The following BCO1 variants were observed in gnomAD, a reference collection of about 807,000 sequenced individuals.
BCO1 encodes beta-carotene oxygenase 1, also known as beta,beta-carotene 15,15'-dioxygenase.
Under a neutral mutation model 56.3 loss-of-function variants are expected in BCO1, and 54 were observed. That is an observed-to-expected ratio of 0.96 (90% CI 0.77 to 1.20). BCO1 has a LOEUF of 1.20. Among genes scored for constraint, BCO1 ranks in the 50% most tolerant of loss-of-function variants. The pLI, the probability that BCO1 is intolerant of heterozygous loss-of-function variation, is 0.00. For missense variants in BCO1, 801 were observed against 690.9 expected (o/e 1.16, Z -1.79); for synonymous variants, 318 against 266.1 (o/e 1.20, Z -1.90).
chr16:81,246,842 C>T (rs151054573), intron 2 of BCO1, among the ~76,000 whole-genome samples: 1,285 of 83,630 alleles, frequency 0.015, 21 homozygotes, highest in African/African-American at 0.052. Context: ...CAGAGCCAGA[C>T]TTTGTCTCAA....
intron 2 of BCO1, among the ~76,000 whole-genome samples, chr16:81,254,362 G>T (rs914498060): frequency 7.1e-6 from 1 of 140,882 alleles, no homozygotes; most frequent in Non-Finnish European, 1.5e-5. Flanking sequence ...TGTTGACCAG[G>T]CTGGTCTCGA....
Position 81,272,144 on chromosome 16 carries a change from C to T in BCO1, c.1101+1728C>T, listed in dbSNP as rs763195569. On this transcript the variant is annotated intron_variant, in intron 7 of 10. Transcript: ENST00000258168. ...TTTTTTTTTTTTTGAGAAGGAGTCT[C>T]GCTCTGTGGCCCAGGCTGGAGTGCA... Among the ~76,000 whole-genome samples the T allele has an allele frequency of 1.6e-4, 22 of 136,564 alleles. No individual in the cohort carries two copies. In the East Asian group the frequency reaches 2.6e-3, roughly 16 times the overall value. The allele number at this position is 136,564 out of a possible 152,430, so 89.6% of individuals were successfully genotyped here. A position where few individuals can be genotyped will look rare whatever the true frequency, so the allele number is the denominator to read the frequency against.
intron 10 of BCO1, among the ~76,000 whole-genome samples, chr16:81,288,015 A>T (rs905256888): frequency 3.9e-5 from 6 of 152,094 alleles, no homozygotes; most frequent in Admixed American, 2.0e-4. Context: ...CCCCACCATA[A>T]ATCCCACTGT....
rs535639302 is a variant in BCO1, at chr16:81,270,255, G to A, written c.940G>A (p.Glu314Lys). The A allele has an allele frequency of 1.4e-5, 23 of 1,614,146 alleles. No individual in the cohort carries two copies. The highest frequency in any genetic ancestry group is 2.7e-5 in the African/African-American group (2 of 75,014). ...MVVFHHVNAY[E>K]EDGCIVFDVI... ...GGTCTTCCATCACGTCAACGCCTAC[G>A]AAGAGGACGGCTGCATCGTGTTTGA... Residue 314 changes from glutamate (E) to lysine (K), a missense_variant, in exon 7 of 11, where the codon GAA (glutamate) becomes AAA (lysine). Coordinates refer to ENST00000258168, the MANE Select transcript of BCO1 (RefSeq NM_017429.3).
chr16:81,241,222 A>G (rs942629401), intron 1 of BCO1, among the ~76,000 whole-genome samples: 1 of 152,030 alleles, frequency 6.6e-6, no homozygotes, highest in African/African-American at 2.4e-5. Context: ...ACTGGGCATG[A>G]GAATCACTTG....
intron 2 of BCO1, among the ~76,000 whole-genome samples, chr16:81,246,018 A>T (rs1184834182): frequency 1.6e-4 from 24 of 151,836 alleles, no homozygotes; most frequent in Admixed American, 1.6e-3. Flanking sequence ...ATGTGACACC[A>T]TGCCCAGCTA....
chr16:81,267,075 C>A (rs1280757726), intron 5 of BCO1, among the ~76,000 whole-genome samples: 2 of 152,178 alleles, frequency 1.3e-5, no homozygotes, highest in Non-Finnish European at 2.9e-5. Context: ...ACGTATTGAG[C>A]ACCTTCCATG....
chr16:81,277,909 C>T (rs927275136), intron 7 of BCO1, among the ~76,000 whole-genome samples: 3 of 152,202 alleles, frequency 2.0e-5, no homozygotes, highest in African/African-American at 7.2e-5. Flanking sequence ...TCTGTGCAGA[C>T]CAACTCCCTA....
chr16:81,240,665 A>T (rs1047040917), intron 1 of BCO1, among the ~76,000 whole-genome samples: 5 of 151,924 alleles, frequency 3.3e-5, no homozygotes, highest in African/African-American at 9.7e-5. Context: ...AGATCGTGCC[A>T]CTGCACTCTG....
intron 1 of BCO1, among the ~76,000 whole-genome samples, chr16:81,240,788 CA>C (rs1905073281): frequency 6.6e-6 from 1 of 151,220 alleles, no homozygotes; most frequent in Non-Finnish European, 1.5e-5. Flanking sequence ...TTGGTTGGTG[CA>C]AAAATAATCG....
rs7188650 is a variant in BCO1 at position 81,280,776 on chromosome 16, T to C, written c.1102-81T>C. 239,838 of 1,053,460 alleles carry C rather than the reference T, an allele frequency of 0.23. 28,478 individuals are homozygous for C. The highest frequency in any genetic ancestry group is 0.35 in the Middle Eastern group (1,407 of 4,024). The allele number at this position is 1,053,460 out of a possible 1,614,324, so 65.3% of individuals were successfully genotyped here. ...CAAGATGACATGTATTCAAGCATTT[T>C]AAAAAATATATACACTAAAGCAAAT... On this transcript the variant is annotated intron_variant, in intron 7 of 10. Coordinates refer to ENST00000258168, the MANE Select transcript of BCO1 (RefSeq NM_017429.3).
intron 5 of BCO1, among the ~76,000 whole-genome samples, chr16:81,267,009 G>T (rs1261233596): frequency 6.6e-6 from 1 of 152,168 alleles, no homozygotes; most frequent in Admixed American, 6.5e-5. Flanking sequence ...GCCTGGGTGG[G>T]GAGGCCTTTT....
intron 2 of BCO1, among the ~76,000 whole-genome samples, chr16:81,246,037 A>G (rs1905394169): frequency 6.6e-6 from 1 of 150,718 alleles, no homozygotes. Flanking sequence ...TAATTTTTGT[A>G]CTTTTGGTCT....
chr16:81,245,649 C>G (rs769603868), intron 2 of BCO1, 46 bp downstream of exon 2: 3 of 1,612,756 alleles, frequency 1.9e-6, no homozygotes, highest in Non-Finnish European at 2.5e-6. Context: ...GCAAAGGACC[C>G]CAAATGCAGT....
At chr16:81,251,684 C>G (rs1242626276) in intron 2 of BCO1, among the ~76,000 whole-genome samples, 1 of 151,946 alleles carries the variant, frequency 6.6e-6, no homozygotes. Flanking sequence ...AAAATTATTT[C>G]AAAGCAAAAA....
intron 1 of BCO1, 68 bp downstream of exon 1, chr16:81,239,040 G>A: frequency 1.3e-5 from 18 of 1,337,458 alleles, no homozygotes; most frequent in South Asian, 6.6e-5. Context: ...TTTTTGAGGC[G>A]GAGTCTCGCT....
At chr16:81,268,653 A>G (rs960104172) in intron 6 of BCO1, among the ~76,000 whole-genome samples, 5 of 152,210 alleles carry the variant, frequency 3.3e-5, no homozygotes, top group African/African-American at 1.2e-4. Context: ...ATGCTTGTAT[A>G]TGCACATATG....
intron 1 of BCO1, among the ~76,000 whole-genome samples, chr16:81,243,300 C>T (rs1368766765): frequency 1.3e-5 from 2 of 152,138 alleles, no homozygotes; most frequent in African/African-American, 4.8e-5. Flanking sequence ...AAAGGTGCCC[C>T]ATTCTTCTGA....
At position 81,285,577 on chromosome 16, in the gene BCO1, A is replaced by G; in HGVS notation, c.1245A>G (p.Gly415=). Residue 415 remains glycine, a synonymous_variant, in exon 9 of 11, where the codon GGA becomes GGG. Coordinates refer to ENST00000258168, the MANE Select transcript of BCO1 (RefSeq NM_017429.3). Reference sequence around the variant, plus strand: ...CACGGGTCAATTATGCTCACAATGGAAAGCAATACCGATATGTCTTTGCTA... The same window carrying G: ...CACGGGTCAATTATGCTCACAATGGGAAGCAATACCGATATGTCTTTGCTA... ...ELPRVNYAHN[G]KQYRYVFATG... 1.9e-6 allele frequency: 3 copies of G among 1,613,910 alleles called. No individual in the cohort carries two copies. Among genetic ancestry groups the G allele is most frequent in the Non-Finnish European group, 2.5e-6 (3 of 1,179,786 alleles).
Sources: allele counts gnomAD v4.1 joint callset (sites outside exome capture counted in the v4.1 genomes callset), GRCh38; gene constraint gnomAD v4.1.1; transcripts MANE v1.5; gene names NCBI Gene and HGNC (gene_info 2026-07-23, HGNC 2026-07-21).